Variants in TXLNB observed in about 807,000 individuals in gnomAD.
TXLNB encodes the protein taxilin beta.
In TXLNB, 37 loss-of-function variants were observed where a neutral mutation model predicts 57.4. The ratio of observed to expected loss-of-function variants is 0.64; its 90% CI spans 0.50 to 0.85. The LOEUF is 0.85. Among genes scored for constraint, TXLNB ranks in the 40% least tolerant of loss-of-function variants. The pLI is 0.00. For missense variants in TXLNB, 848 were observed against 825.6 expected (o/e 1.03, Z -0.33); for synonymous variants, 302 against 309.6 (o/e 0.98, Z 0.26).
the TXLNB span, chr6:139,166,901 T>A: frequency 9.9e-6 from 16 of 1,613,456 alleles, no homozygotes; most frequent in Non-Finnish European, 1.4e-5. Flanking sequence ...CCTCGGGGAG[T>A]TCTTAAAGAA....
chr6:139,316,420 A>G, the TXLNB span, among the ~76,000 whole-genome samples: 140 of 152,272 alleles, frequency 9.2e-4, no homozygotes, highest in African/African-American at 3.1e-3. Context: ...AGGTTGGTTT[A>G]GTCAGAATTC....
chr6:139,259,280 A>G (rs1776421675), intron 6 of TXLNB, among the ~76,000 whole-genome samples: 1 of 152,178 alleles, frequency 6.6e-6, no homozygotes, highest in Admixed American at 6.5e-5. Context: ...TTGCAGAAGC[A>G]CCCAGTACTT....
chr6:139,306,171 G>A, the TXLNB span, among the ~76,000 whole-genome samples: 2 of 152,086 alleles, frequency 1.3e-5, no homozygotes, highest in Non-Finnish European at 2.9e-5. Context: ...GAATAAATGA[G>A]GTCCTTAAGG....
chr6:139,184,862 A>G, the TXLNB span, among the ~76,000 whole-genome samples: 1 of 152,310 alleles, frequency 6.6e-6, no homozygotes, highest in Non-Finnish European at 1.5e-5. Flanking sequence ...ATAGTCTTGG[A>G]AAAAGTGCTG....
the TXLNB span, among the ~76,000 whole-genome samples, chr6:139,316,929 C>T: frequency 6.6e-6 from 1 of 152,184 alleles, no homozygotes; most frequent in Admixed American, 6.5e-5. Context: ...CAATACTAGT[C>T]ATGTACTTGA....
In TXLNB at chr6:139,256,464, G is replaced by T. The variant is rs544614919; in HGVS notation, c.1003-826C>A. Among the ~76,000 whole-genome samples the T allele has an allele frequency of 7.2e-5, 11 of 152,302 alleles. No individual in the cohort carries two copies. In the East Asian group the frequency reaches 2.1e-3, roughly 29 times the overall value. Reference sequence around the variant, plus strand: ...CCTGCCTCAGCCTTCTCAGTAACTGGAATTACAGACACCTGCCACCATGCC... The same window carrying T: ...CCTGCCTCAGCCTTCTCAGTAACTGTAATTACAGACACCTGCCACCATGCC... On this transcript the variant is annotated intron_variant, in intron 6 of 9. Transcript: ENST00000358430.
the TXLNB span, among the ~76,000 whole-genome samples, chr6:139,175,926 G>T: frequency 2.0e-5 from 3 of 152,252 alleles, no homozygotes; most frequent in Non-Finnish European, 4.4e-5. Context: ...AAATATGTTC[G>T]ATTATTGTTA....
the TXLNB span, among the ~76,000 whole-genome samples, chr6:139,225,733 A>C: frequency 6.6e-6 from 1 of 152,270 alleles, no homozygotes; most frequent in South Asian, 2.1e-4. Flanking sequence ...TATTGTGAAA[A>C]CCTCAATTCT....
At chr6:139,163,206 C>T in the TXLNB span, among the ~76,000 whole-genome samples, 9 of 152,162 alleles carry the variant, frequency 5.9e-5, no homozygotes, top group Non-Finnish European at 8.8e-5. Context: ...CTGGCCTCTA[C>T]GGGATGGACA....
the TXLNB span, among the ~76,000 whole-genome samples, chr6:139,192,119 A>G: frequency 3.3e-5 from 5 of 152,226 alleles, no homozygotes; most frequent in African/African-American, 9.7e-5. Flanking sequence ...TATTCTAAGT[A>G]TAACAGTGAA....
chr6:139,307,960 C>CA, the TXLNB span, among the ~76,000 whole-genome samples: 6 of 151,438 alleles, frequency 4.0e-5, no homozygotes, highest in Admixed American at 1.3e-4. Flanking sequence ...TGACACTTCC[C>CA]AGGAGTAGTA....
At chr6:139,169,068 G>A in the TXLNB span, among the ~76,000 whole-genome samples, 4 of 151,976 alleles carry the variant, frequency 2.6e-5, no homozygotes, top group Non-Finnish European at 5.9e-5. Flanking sequence ...TCTATTTGTC[G>A]TGCTTTCTGT....
chr6:139,188,088 C>G, the TXLNB span, among the ~76,000 whole-genome samples: 1 of 152,128 alleles, frequency 6.6e-6, no homozygotes, highest in Admixed American at 6.5e-5. Context: ...AGGTGGTAAC[C>G]CCTAAGAAAG....
the TXLNB span, among the ~76,000 whole-genome samples, chr6:139,218,150 T>C: frequency 2.0e-5 from 3 of 152,310 alleles, no homozygotes; most frequent in African/African-American, 7.2e-5. Context: ...AGCAAATGTG[T>C]GACCAATTCA....
chr6:139,308,572 A>G, the TXLNB span, among the ~76,000 whole-genome samples: 4 of 152,184 alleles, frequency 2.6e-5, no homozygotes, highest in Admixed American at 6.5e-5. Flanking sequence ...TTGTTTTCCA[A>G]CCACACTATT....
At chr6:139,236,128 C>T (rs554350923), downstream of TXLNB, among the ~76,000 whole-genome samples, 16 of 152,172 alleles carry the variant, frequency 1.1e-4, no homozygotes, top group African/African-American at 3.6e-4. Context: ...TCTAAGCCCA[C>T]GTGTGATCCA....
rs1396244790 is a variant in TXLNB at position 139,291,967 on chromosome 6, A to T, written c.-61T>A. ...AGAAGAGAGAGGAGAGGAAGGAGGCAGGAAAAAGCAAGTCAGAGCTGCAGC... is the reference window on the plus strand; with the variant it reads ...AGAAGAGAGAGGAGAGGAAGGAGGCTGGAAAAAGCAAGTCAGAGCTGCAGC... On this transcript the variant is annotated 5_prime_UTR_variant, in exon 1 of 10. Coordinates refer to ENST00000358430, the MANE Select transcript of TXLNB (RefSeq NM_153235.4). The T allele has an allele frequency of 6.5e-6, 1 of 153,310 alleles. No individual in the cohort carries two copies. Among genetic ancestry groups the T allele is most frequent in the African/African-American group, 2.4e-5 (1 of 41,482 alleles). The allele number at this position is 153,310 out of a possible 1,614,324, so 9.5% of individuals were successfully genotyped here. A position where few individuals can be genotyped will look rare whatever the true frequency, so the allele number is the denominator to read the frequency against.
At chr6:139,225,872 C>G in the TXLNB span, among the ~76,000 whole-genome samples, 6 of 152,042 alleles carry the variant, frequency 3.9e-5, no homozygotes, top group African/African-American at 1.4e-4. Flanking sequence ...GTTAAGAATA[C>G]TTTGAAGAAC....
At chr6:139,197,871 T>C in the TXLNB span, 1 of 152,216 alleles carries the variant, frequency 6.6e-6, no homozygotes, top group African/African-American at 2.4e-5. Context: ...GGATTCTCAC[T>C]TGGCAGAAGG....
Sources: gnomAD v4.1 joint callset for allele counts (sites outside exome capture counted in the v4.1 genomes callset) on GRCh38, gnomAD v4.1.1 for gene constraint, MANE v1.5 for transcripts, NCBI Gene and HGNC (gene_info 2026-07-23, HGNC 2026-07-21) for gene names.